CDC42BPA: variants seen among roughly 807,000 people sequenced by gnomAD.
The protein encoded by CDC42BPA is CDC42 binding protein kinase alpha.
Under a neutral mutation model 223.5 loss-of-function variants are expected in CDC42BPA, and 80 were observed. That is an observed-to-expected ratio of 0.36 (90% confidence interval 0.30 to 0.43). The LOEUF is 0.43. Among genes scored for constraint, CDC42BPA ranks in the 20% least tolerant of loss-of-function variants. The pLI is 1.00. For missense variants in CDC42BPA, 1,743 were observed against 2,099.9 expected (o/e 0.83, Z 3.32); for synonymous variants, 694 against 718.6 (o/e 0.97, Z 0.55).
chr1:227,127,000 T>C (rs1332717848), intron 11 of CDC42BPA, among the ~76,000 whole-genome samples: 2 of 152,150 alleles, frequency 1.3e-5, no homozygotes, highest in Non-Finnish European at 2.9e-5. Flanking sequence ...GTGACATGAT[T>C]GTCAGAATTA....
At chr1:227,057,230 T>C (rs1459798285) in intron 21 of CDC42BPA, among the ~76,000 whole-genome samples, 1 of 152,166 alleles carries the variant, frequency 6.6e-6, no homozygotes, top group Non-Finnish European at 1.5e-5. Context: ...CAATAAAAAC[T>C]TTTTCTTCTA....
intron 9 of CDC42BPA, among the ~76,000 whole-genome samples, chr1:227,142,256 A>G (rs1180779231): frequency 2.0e-5 from 3 of 152,208 alleles, no homozygotes; most frequent in African/African-American, 4.8e-5. Flanking sequence ...ATCATTCTCA[A>G]TGGAATTTAA....
Position 227,142,885 on chromosome 1 carries a change from TG to T in CDC42BPA, c.1223+59del, listed in dbSNP as rs1366506161. On this transcript the variant is annotated intron_variant, in intron 9 of 36. Coordinates refer to ENST00000366766, the MANE Select transcript of CDC42BPA (RefSeq NM_001394014.1). ...CACCTGTCTTGGCCTCCCAAAGTGTTGGGATTACAGGCGTGAGCCACTGCAC... is the reference window on the plus strand; with the variant it reads ...CACCTGTCTTGGCCTCCCAAAGTGTTGGATTACAGGCGTGAGCCACTGCAC... The T allele has an allele frequency of 2.6e-6, 3 of 1,167,344 alleles. No homozygotes were observed. In the African/African-American group the frequency reaches 4.9e-5, roughly 19 times the overall value. The allele number at this position is 1,167,344 out of a possible 1,614,324, so 72.3% of individuals were successfully genotyped here.
At chr1:227,188,814 A>C (rs76814170) in intron 5 of CDC42BPA, among the ~76,000 whole-genome samples, 3,192 of 152,264 alleles carry the variant, frequency 0.021, 127 homozygotes, top group African/African-American at 0.073. Flanking sequence ...AGAACGTACA[A>C]CACCAACAGA....
intron 16 of CDC42BPA, among the ~76,000 whole-genome samples, chr1:227,081,469 T>C (rs78858671): frequency 6.8e-6 from 1 of 146,108 alleles, no homozygotes; most frequent in East Asian, 2.0e-4. Flanking sequence ...TTTTTTTTTT[T>C]CAGACAGAGT....
At chr1:227,115,902 A>C (rs1375124532) in intron 12 of CDC42BPA, among the ~76,000 whole-genome samples, 1 of 151,780 alleles carries the variant, frequency 6.6e-6, no homozygotes, top group Non-Finnish European at 1.5e-5. Context: ...TCTCACTTAT[A>C]AAAAACAGTG....
At chr1:227,081,064 C>A in intron 16 of CDC42BPA, 47 bp from the exon 17 acceptor site, 5 of 1,601,928 alleles carry the variant, frequency 3.1e-6, no homozygotes, top group South Asian at 1.1e-5. Flanking sequence ...ACCAAGAATT[C>A]GAGGTGTTCA....
intron 35 of CDC42BPA, among the ~76,000 whole-genome samples, chr1:227,001,397 GA>G (rs1482369324): frequency 6.6e-6 from 1 of 152,188 alleles, no homozygotes; most frequent in African/African-American, 2.4e-5. Flanking sequence ...TAAGGGCCTT[GA>G]CAAGAACGCC....
In CDC42BPA at chr1:227,162,500, C is replaced by T. The variant is rs143099411; in HGVS notation, c.600-1864G>A. ...ATAAATGACACCAAACTGTGCATTG[C>T]CTTTTGCAACTTGGTTTATTCAAAT... On this transcript the variant is annotated intron_variant, in intron 5 of 36. Coordinates refer to ENST00000366766, the MANE Select transcript of CDC42BPA (RefSeq NM_001394014.1). Among the ~76,000 whole-genome samples, 139 of 152,214 alleles carry T rather than the reference C, an allele frequency of 9.1e-4. 1 individual carries two copies. The highest frequency in any genetic ancestry group is 3.0e-3 in the African/African-American group (125 of 41,540).
chr1:227,303,420 T>C (rs1692007406), intron 1 of CDC42BPA, among the ~76,000 whole-genome samples: 1 of 152,176 alleles, frequency 6.6e-6, no homozygotes, highest in East Asian at 1.9e-4. Flanking sequence ...ATGTCCACCA[T>C]AAACTATGCC....
At chr1:227,003,937 G>A (rs571176017) in intron 35 of CDC42BPA, 1 of 152,260 alleles carries the variant, frequency 6.6e-6, no homozygotes, top group South Asian at 2.1e-4. Flanking sequence ...CTCAGCAGAA[G>A]AGTTGGTATC....
intron 12 of CDC42BPA, among the ~76,000 whole-genome samples, chr1:227,114,433 A>T (rs944880988): frequency 6.6e-6 from 1 of 150,966 alleles, no homozygotes; most frequent in Non-Finnish European, 1.5e-5. Context: ...GCACTAAAGG[A>T]ACCAGTAAAG....
Position 227,317,348 on chromosome 1 carries a change from T to C in CDC42BPA, c.-166A>G. Reference sequence around the variant, plus strand: ...TTAAACATCCAACACACCAGTAACCTCACTTAACTGAAGCGTCTTCAATTT... The same window carrying C: ...TTAAACATCCAACACACCAGTAACCCCACTTAACTGAAGCGTCTTCAATTT... On this transcript the variant is annotated 5_prime_UTR_variant, in exon 1 of 37. It removes the in-frame stop codon of an upstream open reading frame in the 5' UTR. Transcript: ENST00000366766. 1.6e-6 allele frequency: 1 copy of C among 616,486 alleles called. No homozygotes were observed. Among genetic ancestry groups the C allele is most frequent in the Non-Finnish European group, 2.7e-6 (1 of 369,994 alleles). 38.2% of individuals were successfully genotyped at this position (616,486 alleles called of 1,614,324 possible).
At chr1:227,303,590 C>A (rs1692045246) in intron 1 of CDC42BPA, among the ~76,000 whole-genome samples, 1 of 152,150 alleles carries the variant, frequency 6.6e-6, no homozygotes, top group African/African-American at 2.4e-5. Context: ...TTTAGCCCTA[C>A]CCATACCTCA....
intron 26 of CDC42BPA, among the ~76,000 whole-genome samples, chr1:227,033,847 T>C (rs923743820): frequency 6.6e-6 from 1 of 152,112 alleles, no homozygotes; most frequent in African/African-American, 2.4e-5. Context: ...CTTAATTTTG[T>C]TGTTGGTACC....
chr1:227,097,198 A>G (rs1684167017), intron 15 of CDC42BPA, among the ~76,000 whole-genome samples: 1 of 151,928 alleles, frequency 6.6e-6, no homozygotes, highest in African/African-American at 2.4e-5. Context: ...CCCACACAAC[A>G]AAGTACAATA....
At chr1:227,006,793 T>TG (rs1415874790) in intron 34 of CDC42BPA, among the ~76,000 whole-genome samples, 2 of 152,026 alleles carry the variant, frequency 1.3e-5, no homozygotes, top group Non-Finnish European at 1.5e-5. Flanking sequence ...AAAAATTAGC[T>TG]GGGTTTGGTG....
At chr1:227,159,727 T>C (rs1398527687) in intron 6 of CDC42BPA, among the ~76,000 whole-genome samples, 1 of 152,016 alleles carries the variant, frequency 6.6e-6, no homozygotes, top group Non-Finnish European at 1.5e-5. Flanking sequence ...AGTATCACTA[T>C]GTTGCTTAAG....
At chr1:227,176,348 CT>C (rs1303096986) in intron 5 of CDC42BPA, among the ~76,000 whole-genome samples, 1 of 152,148 alleles carries the variant, frequency 6.6e-6, no homozygotes, top group African/African-American at 2.4e-5. Flanking sequence ...ACCAAGAATT[CT>C]GATTCTTAAC....
Sources: allele counts gnomAD v4.1 joint callset (sites outside exome capture counted in the v4.1 genomes callset), GRCh38; gene constraint gnomAD v4.1.1; transcripts MANE v1.5; gene names NCBI Gene and HGNC (gene_info 2026-07-23, HGNC 2026-07-21).